PPARGC1B: variants seen among roughly 807,000 people sequenced by gnomAD.
The protein encoded by PPARGC1B is peroxisome proliferator-activated receptor gamma coactivator 1-beta.
PPARGC1B carries 34 observed loss-of-function variants against 101.6 expected under a neutral mutation model. The observed-to-expected ratio is 0.33, with a 90% CI of 0.25 to 0.45. The LOEUF (loss-of-function observed/expected upper bound fraction) is 0.45, where lower values mean the gene tolerates loss of function less well. PPARGC1B is among the 20% of genes least tolerant of loss of function. The pLI is 1.00. For missense variants in PPARGC1B, 1,234 were observed against 1,317.6 expected (o/e 0.94, Z 0.98); for synonymous variants, 548 against 539.3 (o/e 1.02, Z -0.22).
intron 4 of PPARGC1B, among the ~76,000 whole-genome samples, chr5:149,831,785 C>A (rs1388865820): frequency 6.6e-6 from 1 of 152,180 alleles, no homozygotes; most frequent in African/African-American, 2.4e-5. Context: ...ACAAGCGGGG[C>A]GAATAAGACT....
intron 1 of PPARGC1B, among the ~76,000 whole-genome samples, chr5:149,768,761 C>A (rs1292241475): frequency 6.6e-6 from 1 of 152,142 alleles, no homozygotes; most frequent in Non-Finnish European, 1.5e-5. Flanking sequence ...GGTGATCCAC[C>A]CACCTCGGCC....
chr5:149,817,154 C>T (rs188218053), intron 1 of PPARGC1B, among the ~76,000 whole-genome samples: 4 of 152,322 alleles, frequency 2.6e-5, no homozygotes, highest in Admixed American at 6.5e-5. Flanking sequence ...CCACCTCTTC[C>T]ACTACCTGGC....
Position 149,850,771 on chromosome 5 carries a change from G to T in PPARGC1B, c.*3213G>T, listed in dbSNP as rs906038946. On this transcript the variant is annotated 3_prime_UTR_variant, in exon 12 of 12. Transcript: ENST00000309241. Reference sequence around the variant, plus strand: ...GATAGCCGCCCGCACAGGGCAGGTCGTACTGTCCGTTTCTGTGCCGTGCTG... The same window carrying T: ...GATAGCCGCCCGCACAGGGCAGGTCTTACTGTCCGTTTCTGTGCCGTGCTG... The T allele has an allele frequency of 6.6e-6, 1 of 152,222 alleles. No homozygotes were observed. The highest frequency in any genetic ancestry group is 2.1e-4 in the South Asian group (1 of 4,820). The allele number at this position is 152,222 out of a possible 1,614,324, so 9.4% of individuals were successfully genotyped here. A position where few individuals can be genotyped will look rare whatever the true frequency, so the allele number is the denominator to read the frequency against.
At chr5:149,787,140 C>T (rs1756840547) in intron 1 of PPARGC1B, among the ~76,000 whole-genome samples, 1 of 152,234 alleles carries the variant, frequency 6.6e-6, no homozygotes, top group Non-Finnish European at 1.5e-5. Flanking sequence ...CATGGATCAG[C>T]TTAGCAACCA....
chr5:149,748,687 G>A (rs1424781443), intron 1 of PPARGC1B, among the ~76,000 whole-genome samples: 5 of 152,330 alleles, frequency 3.3e-5, no homozygotes, highest in South Asian at 2.1e-4. Flanking sequence ...CCAGGCTGTC[G>A]TGATGGCTAG....
chr5:149,794,406 G>A (rs570681252), intron 1 of PPARGC1B, among the ~76,000 whole-genome samples: 70 of 152,126 alleles, frequency 4.6e-4, no homozygotes, highest in African/African-American at 1.5e-3. Flanking sequence ...TAGGCAAGGG[G>A]GCTGGCTTGG....
At chr5:149,776,834 T>C (rs1756377975) in intron 1 of PPARGC1B, among the ~76,000 whole-genome samples, 1 of 152,236 alleles carries the variant, frequency 6.6e-6, no homozygotes, top group African/African-American at 2.4e-5. Flanking sequence ...ACAATGGAAA[T>C]GGCCCCGTAA....
At chr5:149,834,803 A>G (rs1369481748) in intron 6 of PPARGC1B, 93 bp downstream of exon 6, 15 of 1,189,024 alleles carry the variant, frequency 1.3e-5, no homozygotes, top group Non-Finnish European at 1.7e-5. Context: ...ATCAGCGCCC[A>G]CCCCTGGCCC....
chr5:149,785,077 G>T (rs1176442312), intron 1 of PPARGC1B, among the ~76,000 whole-genome samples: 2 of 152,148 alleles, frequency 1.3e-5, no homozygotes, highest in East Asian at 1.9e-4. Context: ...AATTACAAGG[G>T]GTTCTCTATA....
At position 149,737,361 on chromosome 5, in the gene PPARGC1B, C is replaced by T. The variant is rs192372297; in HGVS notation, c.78+6941C>T. ...CTTTGTCTTGAGCTGTCTGCTTTTACTTTGGGATCCTGTACCTCCCCAGGA... is the reference window on the plus strand; with the variant it reads ...CTTTGTCTTGAGCTGTCTGCTTTTATTTTGGGATCCTGTACCTCCCCAGGA... On this transcript the variant is annotated intron_variant, in intron 1 of 11. Transcript: ENST00000309241. Among the ~76,000 whole-genome samples, 3 of 152,258 alleles carry T rather than the reference C, an allele frequency of 2.0e-5. No homozygotes were observed. The East Asian group carries it at 5.8e-4, about 29-fold the overall frequency.
intron 1 of PPARGC1B, among the ~76,000 whole-genome samples, chr5:149,735,096 A>G (rs1754651565): frequency 1.3e-5 from 2 of 152,238 alleles, no homozygotes; most frequent in Non-Finnish European, 2.9e-5. Flanking sequence ...ATTGAAGCAT[A>G]GCCTTCACTG....
At chr5:149,802,061 C>T (rs769969934) in intron 1 of PPARGC1B, among the ~76,000 whole-genome samples, 1 of 152,202 alleles carries the variant, frequency 6.6e-6, no homozygotes, top group African/African-American at 2.4e-5. Context: ...CGTCCCTGAC[C>T]CCCGAGCTCC....
intron 1 of PPARGC1B, among the ~76,000 whole-genome samples, chr5:149,760,987 C>A (rs954719706): frequency 7.9e-5 from 12 of 152,152 alleles, no homozygotes; most frequent in African/African-American, 2.9e-4. Flanking sequence ...GGCATCTGGG[C>A]GGATTTGTTC....
At chr5:149,782,813 G>C (rs980450633) in intron 1 of PPARGC1B, among the ~76,000 whole-genome samples, 3 of 152,214 alleles carry the variant, frequency 2.0e-5, no homozygotes. Context: ...ACATTAGCAG[G>C]TTCCCTATTG....
In PPARGC1B at chr5:149,836,379, C is replaced by A; in HGVS notation, c.1924C>A (p.Leu642Ile). ...TCTCAGCCTCCCCTCCCCTGAGGGC[C>A]TCTCACTCAAGGCCACCCCAGGGGC... ...IALSLPSPEG[L>I]SLKATPGAAH... Residue 642 changes from leucine to isoleucine, a missense_variant, in exon 8 of 12, where the codon CTC (leucine) becomes ATC (isoleucine). Around this residue, in one of 3 missense-constraint regions of PPARGC1B, gnomAD observed 497 missense variants for 529.5 expected, o/e 0.94. Coordinates refer to ENST00000309241, the MANE Select transcript of PPARGC1B (RefSeq NM_133263.4). 6.2e-7 allele frequency: 1 copy of A among 1,614,110 alleles called. No individual in the cohort carries two copies. Among genetic ancestry groups the A allele is most frequent in the Non-Finnish European group, 8.5e-7 (1 of 1,180,004 alleles).
chr5:149,835,207 G>A (rs1167413703), intron 6 of PPARGC1B, 94 bp from the exon 7 acceptor site: 5 of 1,153,932 alleles, frequency 4.3e-6, no homozygotes, highest in South Asian at 1.3e-5. Flanking sequence ...ACCAGGGCCT[G>A]TCACAGCACT....
At chr5:149,755,535 G>A (rs556420633) in intron 1 of PPARGC1B, among the ~76,000 whole-genome samples, 1 of 152,008 alleles carries the variant, frequency 6.6e-6, no homozygotes, top group Non-Finnish European at 1.5e-5. Flanking sequence ...TTTGGGCCAC[G>A]GTTGCAGAAG....
At chr5:149,797,979 G>GA (rs1757292666) in intron 1 of PPARGC1B, among the ~76,000 whole-genome samples, 1 of 152,062 alleles carries the variant, frequency 6.6e-6, no homozygotes, top group African/African-American at 2.4e-5. Flanking sequence ...TAAATGTTGT[G>GA]AGAAGTTTAT....
At chr5:149,743,788 C>CT (rs1754992662) in intron 1 of PPARGC1B, among the ~76,000 whole-genome samples, 1 of 152,180 alleles carries the variant, frequency 6.6e-6, no homozygotes, top group South Asian at 2.1e-4. Flanking sequence ...AAGGCAAACA[C>CT]TTTGTGGAGC....
Sources: allele counts gnomAD v4.1 joint callset (sites outside exome capture counted in the v4.1 genomes callset), GRCh38; gene constraint gnomAD v4.1.1; regional missense constraint gnomAD v4.1.1; transcripts MANE v1.5; gene names NCBI Gene and HGNC (gene_info 2026-07-23, HGNC 2026-07-21).